The following RNF19A variants were observed in gnomAD, a reference collection of about 807,000 sequenced individuals.
The protein encoded by RNF19A is ring finger protein 19A, RBR E3 ubiquitin protein ligase.
RNF19A carries 32 observed loss-of-function variants against 75.7 expected under a neutral mutation model. That is an observed-to-expected ratio of 0.42 (90% CI 0.32 to 0.57). The LOEUF (loss-of-function observed/expected upper bound fraction) is 0.57. Among genes scored for constraint, RNF19A ranks in the 20% least tolerant of loss-of-function variants. The pLI is 0.10. For missense variants in RNF19A, 782 were observed against 1,036.3 expected, an observed-to-expected ratio of 0.75 and a Z score of 3.37; for synonymous variants, 335 against 345.2, an observed-to-expected ratio of 0.97 and a Z score of 0.33.
At position 100,284,515 on chromosome 8, in the gene RNF19A, G is replaced by A. The variant is rs56077605; in HGVS notation, c.674+2986C>T. Among the ~76,000 whole-genome samples, 315 of 152,132 alleles carry A rather than the reference G, an allele frequency of 2.1e-3. 1 individual carries two copies. The highest frequency in any genetic ancestry group is 3.3e-3 in the Non-Finnish European group (224 of 67,952). Reference sequence around the variant, plus strand: ...CCAATAACACCAAAAATTAATGTATGGCCAAATTAATCACGGACAATTATT... The same window carrying A: ...CCAATAACACCAAAAATTAATGTATAGCCAAATTAATCACGGACAATTATT... On this transcript the variant is annotated intron_variant, in intron 2 of 9. Transcript: ENST00000341084. The surrounding 1 kb of genome is among the most constrained non-coding windows in gnomAD (Gnocchi z 4.3).
At position 100,304,548 on chromosome 8, in the gene RNF19A, C is replaced by A. The variant is rs138402879; in HGVS notation, c.-94+5319G>T. Among the ~76,000 whole-genome samples, 628 of 152,314 alleles carry A rather than the reference C, an allele frequency of 4.1e-3. 5 individuals are homozygous for A. Among genetic ancestry groups the A allele is most frequent in the African/African-American group, 0.014 (597 of 41,570 alleles). On this transcript the variant is annotated intron_variant, in intron 1 of 9. Transcript: ENST00000341084. The stretch of plus-strand genomic sequence containing the variant: ...GTTCCCACCTCCACTTTCCAAATGA[C>A]CTTATTTCATGATTTTATTTAAGGA...
rs1822394260 is a variant in RNF19A at position 100,317,127 on chromosome 8, G to GCCGCACGCAGCCCAGCCGGGGTTC, written c.-242-3756_-242-3755insGAACCCCGGCTGGGCTGCGTGCGG. Among the ~76,000 whole-genome samples the GCCGCACGCAGCCCAGCCGGGGTTC allele has an allele frequency of 6.6e-6, 1 of 151,264 alleles. No individual in the cohort carries two copies. The highest frequency in any genetic ancestry group is 2.1e-4 in the South Asian group (1 of 4,780). The stretch of plus-strand genomic sequence containing the variant: ...CCGGAACTCCAGCTGGCCCGCAAGC[G>GCCGCACGCAGCCCAGCCGGGGTTC]CCGCACGCAGCCCAGCCCGGGTTCC... On this transcript the variant is annotated intron_variant, in intron 1 of 3. Coordinates refer to the RNF19A transcript ENST00000519527. This position sits in a 1 kb window ranked among gnomAD's most constrained non-coding sequence, Gnocchi z 4.3.
In RNF19A at chr8:100,324,680, A is replaced by G. The variant is rs1243721868; in HGVS notation, c.-242-11308T>C. The stretch of plus-strand genomic sequence containing the variant: ...TCCAACCTGAGAAACCTAAATATGA[A>G]TCTACGCGTTTGCTTCAAGAAAATT... On this transcript the variant is annotated intron_variant, in intron 1 of 3. Transcript: ENST00000519527. This position sits in a 1 kb window ranked among gnomAD's most constrained non-coding sequence, Gnocchi z 4.2. 6.6e-6 allele frequency among the ~76,000 whole-genome samples: 1 copy of G among 152,218 alleles called. No homozygotes were observed. The highest frequency in any genetic ancestry group is 6.5e-5 in the Admixed American group (1 of 15,284).
At chr8:100,318,336 T>C (rs150729581) in intron 1 of RNF19A, among the ~76,000 whole-genome samples, 2 of 152,354 alleles carry the variant, frequency 1.3e-5, no homozygotes, top group East Asian at 3.9e-4. Context: ...ATGTATTTTA[T>C]ATACTTAACT....
intron 3 of RNF19A, among the ~76,000 whole-genome samples, chr8:100,270,521 T>C (rs1820205998): frequency 6.6e-6 from 1 of 152,120 alleles, no homozygotes; most frequent in South Asian, 2.1e-4. Flanking sequence ...TTTCTTCTAA[T>C]TACATCAGTT....
At chr8:100,310,044 C>T (rs961693863), upstream of RNF19A, 184 of 985,452 alleles carry the variant, frequency 1.9e-4, no homozygotes, top group Non-Finnish European at 2.1e-4. Flanking sequence ...TTCCCGAACT[C>T]CTCCTCCGCA....
chr8:100,325,851 T>C lies in RNF19A; in HGVS notation c.-243+10257A>G, dbSNP rs1822527123. On this transcript the variant is annotated intron_variant, in intron 1 of 3. Coordinates refer to the RNF19A transcript ENST00000519527. This position sits in a 1 kb window ranked among gnomAD's most constrained non-coding sequence, Gnocchi z 4.3. The stretch of plus-strand genomic sequence containing the variant: ...ACACGTCAAGCAAGACTTTAACTCA[T>C]TTTCTTCCTTCTCTCCTCTTTTTAA... Among the ~76,000 whole-genome samples, 1 of 152,160 alleles carries C rather than the reference T, an allele frequency of 6.6e-6. No individual in the cohort carries two copies. The highest frequency in any genetic ancestry group is 6.5e-5 in the Admixed American group (1 of 15,274).
chr8:100,312,120 C>G (rs1822309324), upstream of RNF19A, among the ~76,000 whole-genome samples: 1 of 152,206 alleles, frequency 6.6e-6, no homozygotes, highest in Admixed American at 6.5e-5. Flanking sequence ...TTTGTCCCTT[C>G]CAATTCATAA....
chr8:100,286,453 T>C (rs1821023338), intron 2 of RNF19A, among the ~76,000 whole-genome samples: 1 of 152,248 alleles, frequency 6.6e-6, no homozygotes. Flanking sequence ...TTTTTGAATG[T>C]TGTATATTAC....
At chr8:100,294,508 C>T (rs1821456879) in intron 1 of RNF19A, among the ~76,000 whole-genome samples, 1 of 152,116 alleles carries the variant, frequency 6.6e-6, no homozygotes, top group African/African-American at 2.4e-5. Context: ...GGAGTTTACC[C>T]ACAGATTTTT....
At position 100,330,129 on chromosome 8, in the gene RNF19A, A is replaced by C. The variant is rs1219680721; in HGVS notation, c.-243+5979T>G. On this transcript the variant is annotated intron_variant, in intron 1 of 3. Transcript: ENST00000519527. This position sits in a 1 kb window ranked among gnomAD's most constrained non-coding sequence, Gnocchi z 4.1. Reference sequence around the variant, plus strand: ...TTATTCTCTACCGACGTTTCCATCCAAACACCATCCCTTCCACTTCTTCCA... The same window carrying C: ...TTATTCTCTACCGACGTTTCCATCCCAACACCATCCCTTCCACTTCTTCCA... 1.3e-5 allele frequency among the ~76,000 whole-genome samples: 2 copies of C among 152,112 alleles called. No individual in the cohort carries two copies. The highest frequency in any genetic ancestry group is 2.9e-5 in the Non-Finnish European group (2 of 68,012).
In RNF19A at chr8:100,264,193, T is replaced by C. The variant is rs1485877843; in HGVS notation, c.1309A>G (p.Ile437Val). 18 of 1,606,142 alleles carry C rather than the reference T, an allele frequency of 1.1e-5. No homozygotes were observed. The highest frequency in any genetic ancestry group is 1.4e-5 in the Non-Finnish European group (17 of 1,176,140). The change falls in exon 7 of 10, where the codon ATC (isoleucine) becomes GTC (valine). Residue 437 changes from isoleucine (I) to valine (V), a missense_variant and splice_region_variant. Transcript: ENST00000341084. This position sits in a 1 kb window ranked among gnomAD's most constrained non-coding sequence, Gnocchi z 4.7. ...TAAGCTAACATAATAGGAACACCGATACCTAAAGAGAAATTAAATCAGTCA... is the reference window on the plus strand; with the variant it reads ...TAAGCTAACATAATAGGAACACCGACACCTAAAGAGAAATTAAATCAGTCA... Reference protein sequence around the residue: ...SPVVAAVTVGIGVPIMLAYVY... With the variant: ...SPVVAAVTVGVGVPIMLAYVY...
rs757255542 is a variant in RNF19A at position 100,264,205 on chromosome 8, A to C, written c.1307-10T>G. ...ATAGGAACACCGATACCTAAAGAGAAATTAAATCAGTCATTACAAACAACA... is the reference window on the plus strand; with the variant it reads ...ATAGGAACACCGATACCTAAAGAGACATTAAATCAGTCATTACAAACAACA... On this transcript the variant is annotated splice_polypyrimidine_tract_variant and intron_variant, in intron 6 of 9. Transcript: ENST00000341084. The surrounding 1 kb of genome is among the most constrained non-coding windows in gnomAD (Gnocchi z 4.7). 5 of 1,595,966 alleles carry C rather than the reference A, an allele frequency of 3.1e-6. No individual in the cohort carries two copies. In the Admixed American group the frequency reaches 5.3e-5, roughly 17 times the overall value.
In RNF19A at chr8:100,284,755, TTTA is replaced by T. The variant is rs1377260250; in HGVS notation, c.674+2743_674+2745del. ...CCCAAAGTATGAGTTTCTGATTATT[TTTA>T]TTAAGAAATATCACATATAAAAAAG... is the stretch of plus-strand genomic sequence containing the variant. On this transcript the variant is annotated intron_variant, in intron 2 of 9. Transcript: ENST00000341084. The surrounding 1 kb of genome is among the most constrained non-coding windows in gnomAD (Gnocchi z 4.3). Among the ~76,000 whole-genome samples the T allele has an allele frequency of 6.6e-6, 1 of 152,124 alleles. No homozygotes were observed. Among genetic ancestry groups the T allele is most frequent in the Admixed American group, 6.5e-5 (1 of 15,270 alleles).
At chr8:100,321,533 T>G (rs993876618) in intron 1 of RNF19A, among the ~76,000 whole-genome samples, 1 of 152,184 alleles carries the variant, frequency 6.6e-6, no homozygotes, top group Non-Finnish European at 1.5e-5. Context: ...TGCATGAGAG[T>G]TGGAGTCAAC....
chr8:100,310,294 C>A (rs991813663), upstream of RNF19A: 2 of 964,316 alleles, frequency 2.1e-6, no homozygotes, highest in African/African-American at 3.5e-5. Flanking sequence ...AGGAGCCGCC[C>A]CGCTGCACCC....
intron 3 of RNF19A, among the ~76,000 whole-genome samples, chr8:100,274,599 G>A (rs372316956): frequency 2.6e-5 from 4 of 152,048 alleles, no homozygotes; most frequent in Admixed American, 1.3e-4. Context: ...AGCCCAGGCC[G>A]TTCTCGAACT....
At chr8:100,294,321 C>T (rs948868704) in intron 1 of RNF19A, among the ~76,000 whole-genome samples, 3 of 152,140 alleles carry the variant, frequency 2.0e-5, no homozygotes, top group Non-Finnish European at 4.4e-5. Context: ...GTGGAAAGCA[C>T]CCATGTTTAC....
chr8:100,301,772 C>T (rs982089180), intron 1 of RNF19A, among the ~76,000 whole-genome samples: 1 of 152,108 alleles, frequency 6.6e-6, no homozygotes, highest in Admixed American at 6.6e-5. Flanking sequence ...TAATATTATT[C>T]TTTACTAGAA....
Sources: gnomAD v4.1 joint callset for allele counts (sites outside exome capture counted in the v4.1 genomes callset) on GRCh38, gnomAD v4.1.1 for gene constraint, Gnocchi (gnomAD v3.1) non-coding constraint, MANE v1.5 for transcripts, NCBI Gene and HGNC (gene_info 2026-07-23, HGNC 2026-07-21) for gene names.